The following SLC12A6 variants were observed in gnomAD, a reference collection of about 807,000 sequenced individuals.
The protein encoded by SLC12A6 is K-Cl cotransporter 3.
In SLC12A6, 66 loss-of-function variants were observed where a neutral mutation model predicts 135.3. That is an observed-to-expected ratio of 0.49 (90% CI 0.40 to 0.60). SLC12A6 has a LOEUF of 0.60. Ranked by LOEUF, SLC12A6 falls within the 20% of genes least tolerant of loss-of-function variation. The pLI is 0.00. For synonymous variants in SLC12A6, 513 were observed against 508.8 expected, an observed-to-expected ratio of 1.01 and a Z score of -0.11; for missense variants, 1,058 against 1,452.3, an observed-to-expected ratio of 0.73 and a Z score of 4.41.
intron 2 of SLC12A6, among the ~76,000 whole-genome samples, chr15:34,332,770 G>A (rs1052971646): frequency 6.7e-6 from 1 of 150,112 alleles, no homozygotes; most frequent in African/African-American, 2.5e-5. Flanking sequence ...GCGACAGCGC[G>A]AGACTTTGCC....
At chr15:34,318,746 A>ACCT in intron 2 of SLC12A6, 1 of 1,606,284 alleles carries the variant, frequency 6.2e-7, no homozygotes, top group East Asian at 2.2e-5. Flanking sequence ...TTCCCTGCCT[A>ACCT]CCTCTTCCTT....
chr15:34,290,502 G>C (rs1054612178), intron 2 of SLC12A6, among the ~76,000 whole-genome samples: 6 of 152,186 alleles, frequency 3.9e-5, no homozygotes, highest in African/African-American at 1.4e-4. Context: ...GGTTCACTTG[G>C]TGCAGAGCTG....
chr15:34,287,636 T>C (rs1266611491), intron 2 of SLC12A6, among the ~76,000 whole-genome samples: 1 of 152,178 alleles, frequency 6.6e-6, no homozygotes, highest in African/African-American at 2.4e-5. Flanking sequence ...CTCTCCAGCA[T>C]GTGTTGTTTC....
intron 2 of SLC12A6, among the ~76,000 whole-genome samples, chr15:34,310,571 A>G (rs140502543): frequency 0.38 from 6,683 of 17,440 alleles, 259 homozygotes; most frequent in African/African-American, 0.45. Flanking sequence ...GTGTGTGTGT[A>G]TGTGTGTGTG....
rs370810168 is a variant in SLC12A6 at position 34,336,591 on chromosome 15, G to A, written c.90C>T (p.Asp30=). The change falls in exon 2 of 26, where the codon GAC becomes GAT. Residue 30 remains aspartate (D), a synonymous_variant. Transcript: ENST00000354181. Reference sequence around the variant, plus strand: ...ATCGAGAGCTGAGGTCCGGACTGGTGTCTGACAAACCTGGAATGTCATCGA... The same window carrying A: ...ATCGAGAGCTGAGGTCCGGACTGGTATCTGACAAACCTGGAATGTCATCGA... ...TKIDDIPGLS[D]TSPDLSSRSS... 6.2e-7 allele frequency: 1 copy of A among 1,613,586 alleles called. No homozygotes were observed. The highest frequency in any genetic ancestry group is 1.3e-5 in the African/African-American group (1 of 74,900).
At chr15:34,287,087 C>T (rs1895137830) in intron 2 of SLC12A6, among the ~76,000 whole-genome samples, 1 of 152,034 alleles carries the variant, frequency 6.6e-6, no homozygotes, top group African/African-American at 2.4e-5. Context: ...TGGTTTGCTG[C>T]ACCCATCAAC....
At chr15:34,279,629 G>C (rs1041260121) in intron 2 of SLC12A6, among the ~76,000 whole-genome samples, 2 of 152,178 alleles carry the variant, frequency 1.3e-5, no homozygotes, top group African/African-American at 4.8e-5. Flanking sequence ...AAGACTGGGA[G>C]TTGTCCTAAA....
chr15:34,277,413 G>A (rs1894368028), intron 2 of SLC12A6, among the ~76,000 whole-genome samples: 2 of 152,122 alleles, frequency 1.3e-5, no homozygotes, highest in South Asian at 2.1e-4. Context: ...TCCAGCCGGG[G>A]TGACAGTGAG....
chr15:34,267,236 T>TA (rs1333699478), intron 3 of SLC12A6, among the ~76,000 whole-genome samples: 56 of 141,790 alleles, frequency 3.9e-4, no homozygotes, highest in Admixed American at 2.2e-3. Flanking sequence ...TAGTCTCTTT[T>TA]TAAAAAAAAA....
chr15:34,257,815 T>C (rs1892856394), intron 5 of SLC12A6, 27 bp from the exon 6 acceptor site: 2 of 1,509,402 alleles, frequency 1.3e-6, no homozygotes, highest in African/African-American at 1.4e-5. Context: ...TGATAAAAAA[T>C]CACACAGTTA....
At position 34,238,392 on chromosome 15, in the gene SLC12A6, C is replaced by T. The variant is rs1476581413; in HGVS notation, c.2642G>A (p.Arg881Gln). The T allele has an allele frequency of 1.2e-6, 2 of 1,612,776 alleles. No homozygotes were observed. Among genetic ancestry groups the T allele is most frequent in the African/African-American group, 1.3e-5 (1 of 74,890 alleles). The change falls in exon 21 of 26, where the codon CGA (arginine) becomes CAA (glutamine). Residue 881 changes from arginine (R) to glutamine (Q), a missense_variant. Coordinates refer to ENST00000354181, the MANE Select transcript of SLC12A6 (RefSeq NM_001365088.1). ...TGCAAGATGGGCAGCAGTTGTCACT[C>T]GAACTGTGCCTAGGGAGAAAAAAGA... ...RAWKTFIGTV[R>Q]VTTAAHLALL...
intron 2 of SLC12A6, among the ~76,000 whole-genome samples, chr15:34,317,258 C>T (rs1888714886): frequency 6.6e-6 from 1 of 152,144 alleles, no homozygotes; most frequent in African/African-American, 2.4e-5. Context: ...ACAAAAGGAA[C>T]ATTTTCCTTA....
At chr15:34,323,639 T>G (rs28827501) in intron 2 of SLC12A6, among the ~76,000 whole-genome samples, 1 of 152,052 alleles carries the variant, frequency 6.6e-6, no homozygotes, top group Non-Finnish European at 1.5e-5. Context: ...CCAAAAAGGT[T>G]GGGGACTGCT....
At position 34,236,718 on chromosome 15, in the gene SLC12A6, C is replaced by G. The variant is rs752363882; in HGVS notation, c.3032G>C (p.Arg1011Pro). The change falls in exon 23 of 26, where the codon CGA (arginine) becomes CCA (proline). Residue 1011 changes from arginine to proline, a missense_variant. By Grantham distance (103) the Arg-to-Pro change is moderately radical. Around this residue, in one of 6 missense-constraint regions of SLC12A6, gnomAD observed 245 missense variants for 440.8 expected, o/e 0.56. Transcript: ENST00000354181. ...LRHMRLSKTE[R>P]DREAQLVKDR... is the part of the protein sequence containing the mutation. ...GCAGTAATGTCTCACCTCTCTGTCTCGCTCTGTTTTGGATAGCCGCATGTG... is the reference window on the plus strand; with the variant it reads ...GCAGTAATGTCTCACCTCTCTGTCTGGCTCTGTTTTGGATAGCCGCATGTG... The G allele has an allele frequency of 1.9e-6, 3 of 1,576,846 alleles. No individual in the cohort carries two copies. Among genetic ancestry groups the G allele is most frequent in the Non-Finnish European group, 2.6e-6 (3 of 1,145,856 alleles).
chr15:34,235,593 C>G (rs1434946530), intron 24 of SLC12A6, among the ~76,000 whole-genome samples: 1 of 151,890 alleles, frequency 6.6e-6, no homozygotes, highest in Non-Finnish European at 1.5e-5. Flanking sequence ...CACCACCATA[C>G]CCGGCTAATT....
chr15:34,274,297 A>C (rs991570858), intron 3 of SLC12A6, among the ~76,000 whole-genome samples: 1 of 152,242 alleles, frequency 6.6e-6, no homozygotes, highest in African/African-American at 2.4e-5. Flanking sequence ...TGATATAAAA[A>C]GGAAAAGATA....
intron 2 of SLC12A6, among the ~76,000 whole-genome samples, chr15:34,324,029 T>A (rs963086792): frequency 6.6e-6 from 1 of 152,096 alleles, no homozygotes; most frequent in Non-Finnish European, 1.5e-5. Context: ...GTTCCAGTAG[T>A]TTTTTTATAA....
At chr15:34,320,522 A>T (rs573262440) in intron 2 of SLC12A6, among the ~76,000 whole-genome samples, 2,215 of 152,316 alleles carry the variant, frequency 0.015, 35 homozygotes, top group Middle Eastern at 0.071. Context: ...AGAGGAAAAA[A>T]AGAAGGTAAA....
intron 2 of SLC12A6, among the ~76,000 whole-genome samples, chr15:34,315,055 AG>A (rs1354574571): frequency 6.6e-6 from 1 of 152,208 alleles, no homozygotes; most frequent in Non-Finnish European, 1.5e-5. Flanking sequence ...GAGCAAAGAA[AG>A]TAGTTTCTTG....
Sources: allele counts gnomAD v4.1 joint callset (sites outside exome capture counted in the v4.1 genomes callset), GRCh38; gene constraint gnomAD v4.1.1; regional missense constraint gnomAD v4.1.1; transcripts MANE v1.5; gene names NCBI Gene and HGNC (gene_info 2026-07-23, HGNC 2026-07-21).